Variants in MROH2A observed in about 807,000 individuals in gnomAD.
MROH2A encodes the protein maestro heat-like repeat-containing protein family member 2A.
MROH2A carries 174 observed loss-of-function variants against 200.4 expected under a neutral mutation model. That is an observed-to-expected ratio of 0.87 (90% CI 0.77 to 0.98). The LOEUF is 0.98. Among genes scored for constraint, MROH2A ranks in the 50% least tolerant of loss-of-function variants. The pLI, the probability that MROH2A is intolerant of heterozygous loss-of-function variation, is 0.00. For missense variants in MROH2A, 2,045 were observed against 2,139.6 expected (o/e 0.96, Z 0.87); for synonymous variants, 829 against 840.4 (o/e 0.99, Z 0.23).
intron 3 of MROH2A, among the ~76,000 whole-genome samples, chr2:233,782,699 C>A (rs1701004707): frequency 6.6e-6 from 1 of 152,060 alleles, no homozygotes. Context: ...TTTGTATGCC[C>A]TTTGTTTCTT....
At chr2:233,829,805 G>T in intron 38 of MROH2A, 30 bp downstream of exon 38, 1 of 1,292,824 alleles carries the variant, frequency 7.7e-7, no homozygotes, top group Non-Finnish European at 9.9e-7. Context: ...TTGTGTCCCA[G>T]TCTGGGGCCC....
rs1446498057 is a variant in MROH2A, at chr2:233,804,478, T to C, written c.1892-17T>C. 9.0e-6 allele frequency: 14 copies of C among 1,551,010 alleles called. No homozygotes were observed. The East Asian group carries it at 2.9e-4, about 32-fold the overall frequency. Reference sequence around the variant, plus strand: ...TGGAAGAAAGTGGCATGTGTGACCATACATGTGTTCCTGCAGAACATACTG... The same window carrying C: ...TGGAAGAAAGTGGCATGTGTGACCACACATGTGTTCCTGCAGAACATACTG... On this transcript the variant is annotated splice_polypyrimidine_tract_variant and intron_variant, in intron 17 of 41. Coordinates refer to ENST00000389758, the MANE Select transcript of MROH2A (RefSeq NM_001394639.1).
chr2:233,811,602 G>C (rs1703158205), intron 23 of MROH2A, among the ~76,000 whole-genome samples: 1 of 152,260 alleles, frequency 6.6e-6, no homozygotes, highest in Non-Finnish European at 1.5e-5. Context: ...TTGTTTTACA[G>C]AGAAGGGGAC....
intron 25 of MROH2A, among the ~76,000 whole-genome samples, chr2:233,814,359 G>A (rs1428720371): frequency 6.6e-6 from 1 of 152,188 alleles, no homozygotes; most frequent in Non-Finnish European, 1.5e-5. Flanking sequence ...CCTGGATGAA[G>A]AATCAGAACT....
At position 233,792,335 on chromosome 2, in the gene MROH2A, T is replaced by C. The variant is rs551400273; in HGVS notation, c.572-461T>C. ...GCTCACTTTTTTTTTTTTTTTGAGA[T>C]GGAGTCATGCTCTGTCGCCCAGGCT... is the stretch of plus-strand genomic sequence containing the variant. On this transcript the variant is annotated intron_variant, in intron 5 of 41. Coordinates refer to ENST00000389758, the MANE Select transcript of MROH2A (RefSeq NM_001394639.1). Among the ~76,000 whole-genome samples, 543 of 149,238 alleles carry C rather than the reference T, an allele frequency of 3.6e-3. 2 individuals are homozygous for C. Among genetic ancestry groups the C allele is most frequent in the African/African-American group, 0.013 (517 of 40,082 alleles).
At position 233,822,490 on chromosome 2, in the gene MROH2A, C is replaced by T. The variant is rs763259975; in HGVS notation, c.3800C>T (p.Pro1267Leu). The stretch of plus-strand genomic sequence containing the variant: ...AGCAGCCACCGACCAGAGGCCGCCC[C>T]GCCGGTCTTGAAGATGTGGAAGCTG... Reference protein sequence around the residue: ...LGSSHRPEAAPPVLKMWKLVH... With the variant: ...LGSSHRPEAALPVLKMWKLVH... The change falls in exon 33 of 42, where the codon CCG (proline) becomes CTG (leucine). Residue 1267 changes from proline (P) to leucine (L), a missense_variant. Around this residue, in one of 3 missense-constraint regions of MROH2A, gnomAD observed 1,201 missense variants for 1,311.3 expected, o/e 0.92. Transcript: ENST00000389758. 32 of 1,550,620 alleles carry T rather than the reference C, an allele frequency of 2.1e-5. No individual in the cohort carries two copies. Among genetic ancestry groups the T allele is most frequent in the African/African-American group, 6.8e-5 (5 of 73,056 alleles).
At chr2:233,804,436 C>A (rs1702665076) in intron 17 of MROH2A, 59 bp from the exon 18 acceptor site, 1 of 1,528,614 alleles carries the variant, frequency 6.5e-7, no homozygotes, top group African/African-American at 1.4e-5. Context: ...CCTTGAATAC[C>A]AGGCTTAGGG....
intron 24 of MROH2A, among the ~76,000 whole-genome samples, chr2:233,812,765 CA>C (rs1031271880): frequency 6.0e-5 from 9 of 150,278 alleles, no homozygotes; most frequent in South Asian, 2.1e-4. Flanking sequence ...TATCTGAGAA[CA>C]AAAAAAAAGG....
chr2:233,791,759 C>G (rs1471483202), intron 5 of MROH2A, among the ~76,000 whole-genome samples: 6 of 152,072 alleles, frequency 3.9e-5, no homozygotes, highest in Non-Finnish European at 4.4e-5. Flanking sequence ...TGATGCCCAT[C>G]CTGCCAAGGG....
intron 15 of MROH2A, 99 bp downstream of exon 15, chr2:233,802,414 C>A: frequency 7.4e-7 from 1 of 1,345,026 alleles, no homozygotes; most frequent in South Asian, 1.5e-5. Flanking sequence ...ACCCTCATTC[C>A]CCCTTCTCCT....
intron 3 of MROH2A, among the ~76,000 whole-genome samples, chr2:233,783,004 G>A (rs971062858): frequency 2.6e-5 from 4 of 152,110 alleles, no homozygotes; most frequent in Non-Finnish European, 5.9e-5. Flanking sequence ...CTCTGTTAAT[G>A]TGATGTATCA....
At chr2:233,823,779 C>T in intron 35 of MROH2A, 115 bp downstream of exon 35, 2 of 1,344,974 alleles carry the variant, frequency 1.5e-6, no homozygotes, top group South Asian at 1.4e-5. Flanking sequence ...AGGCGAGCGC[C>T]CCTCCTCTGA....
At chr2:233,829,214 C>G in intron 37 of MROH2A, 142 bp downstream of exon 37, 1 of 794,700 alleles carries the variant, frequency 1.3e-6, no homozygotes, top group South Asian at 2.0e-5. Context: ...ATCACGGGAT[C>G]TTGTGAAGTA....
chr2:233,809,019 C>G, intron 21 of MROH2A, 107 bp from the exon 22 acceptor site: 1 of 1,286,074 alleles, frequency 7.8e-7, no homozygotes, highest in Non-Finnish European at 1.1e-6. Flanking sequence ...GGTGAAGCAC[C>G]GCCAGCTGAC....
At chr2:233,794,672 C>G (rs1701993561) in intron 8 of MROH2A, among the ~76,000 whole-genome samples, 166 bp downstream of exon 8, 1 of 152,102 alleles carries the variant, frequency 6.6e-6, no homozygotes, top group African/African-American at 2.4e-5. Flanking sequence ...AGCCTGGCAC[C>G]CGTGGGACTC....
chr2:233,812,813 A>G (rs1371618656), intron 24 of MROH2A, among the ~76,000 whole-genome samples: 4 of 152,206 alleles, frequency 2.6e-5, no homozygotes, highest in African/African-American at 9.7e-5. Context: ...ATACAAAAGG[A>G]GCTATCAAGA....
intron 1 of MROH2A, 31 bp from the exon 2 acceptor site, chr2:233,779,314 C>A: frequency 7.2e-7 from 1 of 1,390,726 alleles, no homozygotes; most frequent in Non-Finnish European, 1.0e-6. Flanking sequence ...TGTCACACCC[C>A]GTATTTTACA....
rs536120206 is a variant in MROH2A at position 233,812,086 on chromosome 2, G to A, written c.2651+127G>A. ...TCCCTCTGTAGCAGGGGTCTCACTT[G>A]GAGGCTCCCCAGGGCAATGGGCCAG... On this transcript the variant is annotated intron_variant, in intron 24 of 41. Coordinates refer to ENST00000389758, the MANE Select transcript of MROH2A (RefSeq NM_001394639.1). 9.0e-5 allele frequency: 62 copies of A among 691,584 alleles called. No individual in the cohort carries two copies. The African/African-American group carries it at 9.2e-4, about 10-fold the overall frequency. The allele number at this position is 691,584 out of a possible 1,614,324, so 42.8% of individuals were successfully genotyped here.
At chr2:233,792,400 C>T (rs189941462) in intron 5 of MROH2A, among the ~76,000 whole-genome samples, 1 of 151,858 alleles carries the variant, frequency 6.6e-6, no homozygotes, top group East Asian at 1.9e-4. Flanking sequence ...GCAAGCTCCG[C>T]CTCCCGGGTT....
Sources: gnomAD v4.1 joint callset for allele counts (sites outside exome capture counted in the v4.1 genomes callset) on GRCh38, gnomAD v4.1.1 for gene constraint, gnomAD v4.1.1 regional missense constraint, MANE v1.5 for transcripts, NCBI Gene and HGNC (gene_info 2026-07-23, HGNC 2026-07-21) for gene names.